The following OTOGL variants were observed in gnomAD, a reference collection of about 807,000 sequenced individuals.
OTOGL encodes otogelin like, also known as otogelin-like protein.
OTOGL carries 285 observed loss-of-function variants against 318.5 expected under a neutral mutation model. The ratio of observed to expected loss-of-function variants is 0.89; its 90% CI spans 0.81 to 0.99. The LOEUF is 0.99. OTOGL is among the 50% of genes least tolerant of loss of function. OTOGL has a pLI of 0.00. For missense variants in OTOGL, 2,899 were observed against 2,845.6 expected (o/e 1.02, Z -0.43); for synonymous variants, 987 against 936.5 (o/e 1.05, Z -0.99).
At position 80,330,451 on chromosome 12, in the gene OTOGL, C is replaced by T. The variant is rs187180675; in HGVS notation, c.4348+1332C>T. 5.3e-5 allele frequency among the ~76,000 whole-genome samples: 8 copies of T among 152,210 alleles called. No homozygotes were observed. In the East Asian group the frequency reaches 1.4e-3, roughly 26 times the overall value. The stretch of plus-strand genomic sequence containing the variant: ...GCTTTGGGAGAAGGTGGAGGTACTT[C>T]GCCTACATCATTCAATTTATAAGGG... On this transcript the variant is annotated intron_variant, in intron 37 of 58. Transcript: ENST00000547103.
intron 1 of OTOGL, among the ~76,000 whole-genome samples, chr12:80,199,352 T>C (rs897469513): frequency 1.3e-5 from 2 of 152,234 alleles, no homozygotes; most frequent in Non-Finnish European, 2.9e-5. Context: ...TAGAAGACCT[T>C]CTAGATCCTC....
At chr12:80,329,372 C>T (rs766775036) in intron 37 of OTOGL, among the ~76,000 whole-genome samples, 1 of 152,202 alleles carries the variant, frequency 6.6e-6, no homozygotes, top group East Asian at 1.9e-4. Flanking sequence ...CCACACTGCA[C>T]TGGGCTACGT....
chr12:80,314,425 C>A, intron 32 of OTOGL, 94 bp downstream of exon 32: 1 of 399,992 alleles, frequency 2.5e-6, no homozygotes, highest in Non-Finnish European at 4.2e-6. Context: ...TGTGAACAAA[C>A]TATAAATAGT....
chr12:80,332,253 C>A (rs558285355), intron 37 of OTOGL, among the ~76,000 whole-genome samples: 1 of 152,250 alleles, frequency 6.6e-6, no homozygotes, highest in South Asian at 2.1e-4. Context: ...AGCTAATACA[C>A]TGGTGTTGTT....
chr12:80,212,067 T>G (rs1331217669), intron 4 of OTOGL, 70 bp downstream of exon 4: 1 of 1,409,678 alleles, frequency 7.1e-7, no homozygotes, highest in African/African-American at 1.4e-5. Flanking sequence ...TGCTGTCACT[T>G]CAACAATGAG....
At chr12:80,195,157 T>G (rs1208420840) in intron 1 of OTOGL, among the ~76,000 whole-genome samples, 1 of 152,248 alleles carries the variant, frequency 6.6e-6, no homozygotes, top group East Asian at 1.9e-4. Flanking sequence ...TTCAACATTA[T>G]GTGATTTATA....
intron 1 of OTOGL, among the ~76,000 whole-genome samples, chr12:80,173,437 G>A (rs1048767604): frequency 1.8e-4 from 28 of 152,126 alleles, no homozygotes; most frequent in Non-Finnish European, 5.9e-5. Flanking sequence ...AACTGCCGTG[G>A]TGGTGGTGGG....
At chr12:80,328,978 G>A (rs1037063420) in intron 36 of OTOGL, 73 bp from the exon 37 acceptor site, 2 of 1,343,040 alleles carry the variant, frequency 1.5e-6, no homozygotes, top group African/African-American at 3.0e-5. Flanking sequence ...AAGCTAAAGA[G>A]TCCTCTATGA....
chr12:80,127,256 A>G (rs376744818), intron 1 of OTOGL, among the ~76,000 whole-genome samples: 47 of 152,054 alleles, frequency 3.1e-4, no homozygotes, highest in South Asian at 8.3e-4. Flanking sequence ...AAATCTCTCA[A>G]CATTTGCTTG....
intron 17 of OTOGL, among the ~76,000 whole-genome samples, chr12:80,257,071 G>A (rs902452142): frequency 2.0e-5 from 3 of 152,068 alleles, no homozygotes; most frequent in Admixed American, 2.0e-4. Flanking sequence ...TTCTGGGGCA[G>A]GTCCTGTTCA....
At chr12:80,158,120 T>C (rs1186405308) in intron 1 of OTOGL, among the ~76,000 whole-genome samples, 1 of 152,168 alleles carries the variant, frequency 6.6e-6, no homozygotes, top group Non-Finnish European at 1.5e-5. Context: ...CTCTAAAATC[T>C]ATAAAGCTCA....
chr12:80,157,773 C>T (rs976728908), intron 1 of OTOGL, among the ~76,000 whole-genome samples: 3 of 152,064 alleles, frequency 2.0e-5, no homozygotes, highest in African/African-American at 7.2e-5. Flanking sequence ...CTATTCTGTT[C>T]TATTGGTCTG....
intron 26 of OTOGL, among the ~76,000 whole-genome samples, chr12:80,281,532 C>T (rs1243374247): frequency 6.6e-6 from 1 of 151,780 alleles, no homozygotes; most frequent in Non-Finnish European, 1.5e-5. Context: ...AACTGTCATT[C>T]CAGGAATAAA....
chr12:80,356,787 A>G lies in OTOGL; in HGVS notation c.5912-20A>G. ...TTTATTATGCTATACAAATTTTCTA[A>G]TGTAATTTTGTTTCTGCAGAATGTG... is the stretch of plus-strand genomic sequence containing the variant. On this transcript the variant is annotated intron_variant, in intron 48 of 58. Coordinates refer to ENST00000547103, the MANE Select transcript of OTOGL (RefSeq NM_001378609.3). 1 of 1,469,284 alleles carries G rather than the reference A, an allele frequency of 6.8e-7. No individual in the cohort carries two copies. The highest frequency in any genetic ancestry group is 9.3e-7 in the Non-Finnish European group (1 of 1,071,266). The allele number at this position is 1,469,284 out of a possible 1,614,324, so 91.0% of individuals were successfully genotyped here.
At chr12:80,349,606 A>G (rs906880267) in intron 44 of OTOGL, among the ~76,000 whole-genome samples, 1 of 152,144 alleles carries the variant, frequency 6.6e-6, no homozygotes, top group African/African-American at 2.4e-5. Flanking sequence ...GCTAATGGCA[A>G]TATAGGCTTC....
chr12:80,223,230 C>T (rs1251497068), intron 7 of OTOGL, among the ~76,000 whole-genome samples: 2 of 151,716 alleles, frequency 1.3e-5, no homozygotes, highest in Non-Finnish European at 2.9e-5. Flanking sequence ...CTTTTTATGG[C>T]TGAGTAGTAT....
rs191493300 is a variant in OTOGL, at chr12:80,375,385, G to A, written c.6782-1738G>A. Among the ~76,000 whole-genome samples, 12 of 152,262 alleles carry A rather than the reference G, an allele frequency of 7.9e-5. No individual in the cohort carries two copies. The East Asian group carries it at 1.9e-3, about 25-fold the overall frequency. On this transcript the variant is annotated intron_variant, in intron 57 of 58. Transcript: ENST00000547103. Reference sequence around the variant, plus strand: ...TGACAAACATCTTTTTAGCCACTGGGACCATAATAGTGAATGAAGCAATGT... The same window carrying A: ...TGACAAACATCTTTTTAGCCACTGGAACCATAATAGTGAATGAAGCAATGT...
At position 80,378,166 on chromosome 12, in the gene OTOGL, C is replaced by A; in HGVS notation, c.*118C>A. On this transcript the variant is annotated 3_prime_UTR_variant, in exon 59 of 59. Transcript: ENST00000547103. ...GTTTAACAATACTGTATTTTTCAGA[C>A]TTGGAATGTGGAAATTTAGCAATTT... The A allele has an allele frequency of 1.3e-6, 1 of 760,240 alleles. No individual in the cohort carries two copies. The highest frequency in any genetic ancestry group is 2.0e-6 in the Non-Finnish European group (1 of 497,872). The allele number at this position is 760,240 out of a possible 1,614,324, so 47.1% of individuals were successfully genotyped here. A position where few individuals can be genotyped will look rare whatever the true frequency, so the allele number is the denominator to read the frequency against.
At chr12:80,120,875 T>A (rs1870448512) in intron 1 of OTOGL, among the ~76,000 whole-genome samples, 1 of 152,308 alleles carries the variant, frequency 6.6e-6, no homozygotes, top group East Asian at 1.9e-4. Context: ...ACAAAGACCC[T>A]TATTCCCCTG....
Sources: gnomAD v4.1 joint callset for allele counts (sites outside exome capture counted in the v4.1 genomes callset) on GRCh38, gnomAD v4.1.1 for gene constraint, MANE v1.5 for transcripts, NCBI Gene and HGNC (gene_info 2026-07-23, HGNC 2026-07-21) for gene names.